PRKCA: variants seen among roughly 807,000 people sequenced by gnomAD.
The protein encoded by PRKCA is protein kinase C alpha.
Under a neutral mutation model 87.0 loss-of-function variants are expected in PRKCA, and 27 were observed. The ratio of observed to expected loss-of-function variants is 0.31; its 90% CI spans 0.23 to 0.43. The LOEUF is 0.43. Among genes scored for constraint, PRKCA ranks in the 20% least tolerant of loss-of-function variants. The pLI is 1.00. For missense variants in PRKCA, 518 were observed against 852.3 expected, an observed-to-expected ratio of 0.61 and a Z score of 4.88; for synonymous variants, 329 against 311.1, an observed-to-expected ratio of 1.06 and a Z score of -0.61.
intron 13 of PRKCA, among the ~76,000 whole-genome samples, chr17:66,769,711 T>C (rs1974889643): frequency 6.6e-6 from 1 of 152,230 alleles, no homozygotes; most frequent in South Asian, 2.1e-4. Flanking sequence ...ATAATTATGT[T>C]TGTGGAACCT....
At chr17:66,475,876 A>G (rs1294553514) in intron 2 of PRKCA, among the ~76,000 whole-genome samples, 2 of 152,008 alleles carry the variant, frequency 1.3e-5, no homozygotes, top group Non-Finnish European at 2.9e-5. Context: ...AAATACTATT[A>G]TACCTGATTT....
chr17:66,310,673 G>GA (rs922146438), intron 2 of PRKCA, among the ~76,000 whole-genome samples: 3 of 151,994 alleles, frequency 2.0e-5, no homozygotes, highest in East Asian at 1.9e-4. Flanking sequence ...TTTAAGGGAA[G>GA]AAAAAAAAGA....
intron 3 of PRKCA, among the ~76,000 whole-genome samples, chr17:66,565,450 A>G (rs571768987): frequency 6.6e-6 from 1 of 152,330 alleles, no homozygotes; most frequent in South Asian, 2.1e-4. Flanking sequence ...CTCTTTCTGA[A>G]TTTTAATCCC....
intron 3 of PRKCA, among the ~76,000 whole-genome samples, chr17:66,575,377 T>C (rs911790690): frequency 1.3e-5 from 2 of 152,082 alleles, no homozygotes; most frequent in African/African-American, 4.8e-5. Context: ...TCAAGAGTTC[T>C]AGACCAGCAT....
intron 2 of PRKCA, among the ~76,000 whole-genome samples, chr17:66,400,935 T>G (rs1910987043): frequency 6.6e-6 from 1 of 152,246 alleles, no homozygotes; most frequent in Non-Finnish European, 1.5e-5. Context: ...ACCATATATG[T>G]CCATATTGAT....
In PRKCA at chr17:66,805,019, G is replaced by A. The variant is rs927970553; in HGVS notation, c.*982G>A. The A allele has an allele frequency of 1.0e-6, 1 of 984,858 alleles. No homozygotes were observed. The highest frequency in any genetic ancestry group is 1.7e-5 in the African/African-American group (1 of 57,204). 61.0% of individuals were successfully genotyped at this position (984,858 alleles called of 1,614,324 possible). ...GCTTATTTATTTAATAGGCTGCAGT[G>A]TCGCTTATGAAAGTACGATGTACAG... On this transcript the variant is annotated 3_prime_UTR_variant, in exon 17 of 17. Coordinates refer to ENST00000413366, the MANE Select transcript of PRKCA (RefSeq NM_002737.3).
At chr17:66,610,688 G>A (rs931648702) in intron 3 of PRKCA, among the ~76,000 whole-genome samples, 23 of 152,164 alleles carry the variant, frequency 1.5e-4, no homozygotes, top group African/African-American at 4.6e-4. Flanking sequence ...TTTCAGTCAC[G>A]ATCGCAAGAG....
chr17:66,773,850 G>A, intron 13 of PRKCA, 137 bp from the exon 14 acceptor site: 2 of 1,407,210 alleles, frequency 1.4e-6, no homozygotes, highest in Non-Finnish European at 1.9e-6. Context: ...TCTTCCCTTG[G>A]CGTAACATCA....
chr17:66,529,597 G>T (rs1225386876), intron 3 of PRKCA, among the ~76,000 whole-genome samples: 1 of 152,162 alleles, frequency 6.6e-6, no homozygotes, highest in Non-Finnish European at 1.5e-5. Flanking sequence ...AAATCTCATA[G>T]TCAGTCTTTG....
chr17:66,808,045 AC>A lies in PRKCA; in HGVS notation c.*4009del, dbSNP rs1976073133. The A allele has an allele frequency of 6.6e-6, 1 of 152,168 alleles. No homozygotes were observed. Among genetic ancestry groups the A allele is most frequent in the Non-Finnish European group, 1.5e-5 (1 of 68,088 alleles). The allele number at this position is 152,168 out of a possible 1,614,324, so 9.4% of individuals were successfully genotyped here. On this transcript the variant is annotated 3_prime_UTR_variant, in exon 17 of 17. Transcript: ENST00000413366. ...CTCAGAAAACACCCCCCAAATGCTA[AC>A]AACATCCCCACCAGCTGCTAGAAGC... is the stretch of plus-strand genomic sequence containing the variant.
At chr17:66,622,932 A>C (rs1295940899) in intron 3 of PRKCA, among the ~76,000 whole-genome samples, 1 of 152,224 alleles carries the variant, frequency 6.6e-6, no homozygotes, top group Non-Finnish European at 1.5e-5. Flanking sequence ...AGTACAATTC[A>C]AGATGAGATT....
intron 3 of PRKCA, among the ~76,000 whole-genome samples, chr17:66,637,065 G>A (rs1971167529): frequency 6.6e-6 from 1 of 152,210 alleles, no homozygotes; most frequent in Admixed American, 6.5e-5. Flanking sequence ...TTAGGCAGGA[G>A]GTGGAAGCGA....
intron 3 of PRKCA, among the ~76,000 whole-genome samples, chr17:66,620,897 A>G (rs896359205): frequency 1.3e-5 from 2 of 152,206 alleles, no homozygotes; most frequent in Non-Finnish European, 2.9e-5. Context: ...TTTATCATGG[A>G]GCATCTGAAA....
At chr17:66,464,503 A>G (rs56268018) in intron 2 of PRKCA, among the ~76,000 whole-genome samples, 9,688 of 152,202 alleles carry the variant, frequency 0.064, 1,024 homozygotes, top group African/African-American at 0.22. Context: ...TGAATGAGAG[A>G]TCTCATTGGT....
At chr17:66,558,939 G>T (rs1039750368) in intron 3 of PRKCA, among the ~76,000 whole-genome samples, 16 of 152,132 alleles carry the variant, frequency 1.1e-4, no homozygotes, top group Admixed American at 2.0e-4. Context: ...CCTACTAAAG[G>T]CAAAACGGAT....
At chr17:66,427,395 T>G (rs1304281086) in intron 2 of PRKCA, among the ~76,000 whole-genome samples, 1 of 152,258 alleles carries the variant, frequency 6.6e-6, no homozygotes, top group Non-Finnish European at 1.5e-5. Flanking sequence ...CTGTGGCTGC[T>G]TTTGCATTGC....
intron 3 of PRKCA, among the ~76,000 whole-genome samples, chr17:66,533,378 CCT>C (rs1224719998): frequency 6.6e-6 from 1 of 152,214 alleles, no homozygotes; most frequent in Non-Finnish European, 1.5e-5. Context: ...GGCCAAATCC[CCT>C]GTTTTACTGC....
At chr17:66,782,026 G>A (rs1975246127) in intron 14 of PRKCA, among the ~76,000 whole-genome samples, 1 of 151,744 alleles carries the variant, frequency 6.6e-6, no homozygotes, top group Non-Finnish European at 1.5e-5. Flanking sequence ...CAATTCTCCT[G>A]CTTCAGCCTC....
At chr17:66,652,339 G>GA (rs371919407) in intron 5 of PRKCA, among the ~76,000 whole-genome samples, 2 of 152,114 alleles carry the variant, frequency 1.3e-5, no homozygotes, top group South Asian at 4.2e-4. Flanking sequence ...CTGGATCCAA[G>GA]AAAAAAACAG....
Sources: gnomAD v4.1 joint callset for allele counts (sites outside exome capture counted in the v4.1 genomes callset) on GRCh38, gnomAD v4.1.1 for gene constraint, MANE v1.5 for transcripts, NCBI Gene and HGNC (gene_info 2026-07-23, HGNC 2026-07-21) for gene names.